NBAS: variants seen among roughly 807,000 people sequenced by gnomAD.
The protein encoded by NBAS is NAG/BC035112 fusion.
NBAS carries 219 observed loss-of-function variants against 302.5 expected under a neutral mutation model. The observed-to-expected ratio is 0.72, with a 90% CI of 0.65 to 0.81. The LOEUF (loss-of-function observed/expected upper bound fraction) is 0.81. Ranked by LOEUF, NBAS falls within the 30% of genes least tolerant of loss-of-function variation. NBAS has a pLI of 0.00. For synonymous variants in NBAS, 1,118 were observed against 1,021.6 expected (o/e 1.09, Z -1.80); for missense variants, 2,932 against 2,841.6 (o/e 1.03, Z -0.72).
chr2:15,187,479 T>C (rs1260337906), intron 49 of NBAS, among the ~76,000 whole-genome samples: 1 of 152,044 alleles, frequency 6.6e-6, no homozygotes, highest in Non-Finnish European at 1.5e-5. Context: ...CTGGGGAGCA[T>C]AGGTTGAGGA....
chr2:15,509,871 A>G (rs1363511485), intron 10 of NBAS, among the ~76,000 whole-genome samples: 1 of 151,572 alleles, frequency 6.6e-6, no homozygotes, highest in African/African-American at 2.4e-5. Flanking sequence ...TTTTTTTGAG[A>G]CGGAGTCTGG....
At chr2:15,334,579 T>C (rs1672495291) in intron 35 of NBAS, among the ~76,000 whole-genome samples, 1 of 152,246 alleles carries the variant, frequency 6.6e-6, no homozygotes, top group Admixed American at 6.5e-5. Flanking sequence ...TATATTTGTA[T>C]TTATTTAAGC....
At chr2:15,151,291 C>T in the NBAS span, among the ~76,000 whole-genome samples, 2 of 152,148 alleles carry the variant, frequency 1.3e-5, no homozygotes, top group Admixed American at 1.3e-4. Flanking sequence ...CCATAACCAA[C>T]TGGAAACCAA....
At chr2:15,349,380 T>C (rs566123223) in intron 35 of NBAS, among the ~76,000 whole-genome samples, 25 of 152,322 alleles carry the variant, frequency 1.6e-4, no homozygotes, top group Non-Finnish European at 3.1e-4. Flanking sequence ...TAATGTGTTT[T>C]CACATCCAAT....
chr2:15,238,466 ACC>A lies in NBAS; in HGVS notation c.5943_5943+1del. Reference sequence around the variant, plus strand: ...AGCATATAGAAGTTCCCATTTCTTTACCTGCTCACTATTCTTCAGAGAAAGGA... The same window carrying A: ...AGCATATAGAAGTTCCCATTTCTTTATGCTCACTATTCTTCAGAGAAAGGA... On this transcript the variant is annotated splice_donor_variant and coding_sequence_variant, in exon 45 of 52. Transcript: ENST00000281513. LOFTEE classifies it high-confidence loss of function. The A allele has an allele frequency of 1.2e-6, 2 of 1,613,630 alleles. No individual in the cohort carries two copies. Among genetic ancestry groups the A allele is most frequent in the Non-Finnish European group, 1.7e-6 (2 of 1,179,520 alleles).
At chr2:15,291,404 C>T (rs1374444832) in intron 41 of NBAS, among the ~76,000 whole-genome samples, 2 of 152,188 alleles carry the variant, frequency 1.3e-5, no homozygotes, top group Non-Finnish European at 2.9e-5. Context: ...AGTGCCTTGC[C>T]CATGATAAGC....
the NBAS span, among the ~76,000 whole-genome samples, chr2:14,991,391 G>T: frequency 6.6e-6 from 1 of 152,128 alleles, no homozygotes. Flanking sequence ...AGAAATAATA[G>T]ATGTAATCAT....
At chr2:15,057,412 A>G in the NBAS span, among the ~76,000 whole-genome samples, 1 of 150,532 alleles carries the variant, frequency 6.6e-6, no homozygotes, top group Non-Finnish European at 1.5e-5. Context: ...TTAAGTTCCA[A>G]GTTTATTCTA....
intron 44 of NBAS, among the ~76,000 whole-genome samples, chr2:15,257,047 G>A (rs1389510680): frequency 6.6e-6 from 1 of 152,050 alleles, no homozygotes; most frequent in Admixed American, 6.6e-5. Context: ...TTGGTATTAG[G>A]GTGATACTGG....
At chr2:15,306,187 A>C (rs1229495108) in intron 40 of NBAS, among the ~76,000 whole-genome samples, 3 of 152,216 alleles carry the variant, frequency 2.0e-5, no homozygotes, top group African/African-American at 7.2e-5. Context: ...CATGTTTCTT[A>C]TTTCACATTA....
the NBAS span, among the ~76,000 whole-genome samples, chr2:15,110,312 C>A: frequency 6.6e-6 from 1 of 152,094 alleles, no homozygotes; most frequent in Non-Finnish European, 1.5e-5. Context: ...AAGTAGCCTT[C>A]CCTTTCACAG....
chr2:15,068,699 G>A, the NBAS span, among the ~76,000 whole-genome samples: 1 of 152,234 alleles, frequency 6.6e-6, no homozygotes, highest in Non-Finnish European at 1.5e-5. Flanking sequence ...TAAGCAATAT[G>A]CTGACTTGCC....
the NBAS span, among the ~76,000 whole-genome samples, chr2:14,959,634 C>T: frequency 2.0e-5 from 3 of 152,184 alleles, no homozygotes; most frequent in Admixed American, 6.5e-5. Flanking sequence ...TCTTATACAT[C>T]GGTCACATTG....
At chr2:15,260,836 T>G (rs914551302) in intron 44 of NBAS, among the ~76,000 whole-genome samples, 1 of 152,136 alleles carries the variant, frequency 6.6e-6, no homozygotes, top group Non-Finnish European at 1.5e-5. Flanking sequence ...CACAGACATA[T>G]TTGCATATAC....
At chr2:14,814,801 T>C in the NBAS span, among the ~76,000 whole-genome samples, 1 of 152,138 alleles carries the variant, frequency 6.6e-6, no homozygotes. Flanking sequence ...GGGAATGACA[T>C]GGTTTGGCTC....
the NBAS span, among the ~76,000 whole-genome samples, chr2:15,131,952 A>T: frequency 6.6e-6 from 1 of 152,202 alleles, no homozygotes; most frequent in Non-Finnish European, 1.5e-5. Flanking sequence ...GGAGGACAGC[A>T]CCAACGAGGG....
At chr2:15,211,288 T>TA (rs1269625611) in intron 48 of NBAS, among the ~76,000 whole-genome samples, 1 of 151,984 alleles carries the variant, frequency 6.6e-6, no homozygotes, top group Non-Finnish European at 1.5e-5. Context: ...AATAAAAAGA[T>TA]AAAAAATAAA....
the NBAS span, among the ~76,000 whole-genome samples, chr2:14,827,440 T>C: frequency 1.3e-5 from 2 of 152,348 alleles, no homozygotes; most frequent in African/African-American, 4.8e-5. Flanking sequence ...TGGGCATTTT[T>C]TCAGCTTGAA....
At chr2:15,328,162 A>C (rs377418547) in intron 37 of NBAS, 37 bp downstream of exon 37, 8 of 1,572,946 alleles carry the variant, frequency 5.1e-6, no homozygotes, top group East Asian at 4.5e-5. Flanking sequence ...CAACAGCATG[A>C]CAGTTAAATC....
Sources: gnomAD v4.1 joint callset for allele counts (sites outside exome capture counted in the v4.1 genomes callset) on GRCh38, gnomAD v4.1.1 for gene constraint, MANE v1.5 for transcripts, NCBI Gene and HGNC (gene_info 2026-07-23, HGNC 2026-07-21) for gene names.